Variants in MTFR1 observed in about 807,000 individuals in gnomAD.
The protein encoded by MTFR1 is mitochondrial fission regulator 1.
Under a neutral mutation model 38.8 loss-of-function variants are expected in MTFR1, and 28 were observed. That is an observed-to-expected ratio of 0.72 (90% CI 0.53 to 0.99). The LOEUF (loss-of-function observed/expected upper bound fraction) is 0.99, where lower values mean the gene tolerates loss of function less well. MTFR1 is among the 50% of genes least tolerant of loss of function. The pLI is 0.00. For missense variants in MTFR1, 358 were observed against 395.5 expected (o/e 0.91, Z 0.81); for synonymous variants, 145 against 137.0 (o/e 1.06, Z -0.41).
At chr8:65,754,739 A>G (rs1449866251) in intron 3 of MTFR1, among the ~76,000 whole-genome samples, 2 of 149,954 alleles carry the variant, frequency 1.3e-5, no homozygotes, top group Non-Finnish European at 3.0e-5. Flanking sequence ...GGCTGAGGCG[A>G]GTGGATCACG....
At chr8:65,674,559 C>T (rs1269725511) in intron 2 of MTFR1, among the ~76,000 whole-genome samples, 1 of 152,144 alleles carries the variant, frequency 6.6e-6, no homozygotes, top group Non-Finnish European at 1.5e-5. Flanking sequence ...TTGCAGTCAA[C>T]TGAGATCATG....
At chr8:65,704,957 T>C (rs2129058987) in intron 5 of MTFR1, 28 bp downstream of exon 5, 1 of 1,518,684 alleles carries the variant, frequency 6.6e-7, no homozygotes, top group South Asian at 1.2e-5. Flanking sequence ...TTGTTAGTTT[T>C]AACTTGCAAA....
At chr8:65,729,108 C>T (rs1806727104) in intron 3 of MTFR1, among the ~76,000 whole-genome samples, 1 of 152,060 alleles carries the variant, frequency 6.6e-6, no homozygotes, top group Non-Finnish European at 1.5e-5. Context: ...ATGTTATTTC[C>T]ATTCTGTGAT....
intron 1 of MTFR1, among the ~76,000 whole-genome samples, chr8:65,647,462 C>A (rs1808990706): frequency 6.6e-6 from 1 of 152,138 alleles, no homozygotes; most frequent in Non-Finnish European, 1.5e-5. Flanking sequence ...CAGGCGTAGG[C>A]CACCACGCCC....
chr8:65,723,638 G>C (rs752052726), intron 3 of MTFR1: 2 of 1,492,286 alleles, frequency 1.3e-6, no homozygotes, highest in East Asian at 2.6e-5. Context: ...ATTAAAAAAA[G>C]AGAAGTATTA....
intron 3 of MTFR1, among the ~76,000 whole-genome samples, chr8:65,730,918 A>G (rs891275705): frequency 3.3e-5 from 5 of 152,178 alleles, no homozygotes; most frequent in African/African-American, 1.2e-4. Flanking sequence ...GTGAGACTCC[A>G]TCTGAAAAAC....
At chr8:65,689,114 C>T (rs1488760389) in intron 3 of MTFR1, among the ~76,000 whole-genome samples, 3 of 152,118 alleles carry the variant, frequency 2.0e-5, no homozygotes, top group African/African-American at 4.8e-5. Context: ...CACTGCACTC[C>T]GGCCTGGGCA....
intron 2 of MTFR1, chr8:65,718,201 A>G (rs1423190904): frequency 6.6e-6 from 1 of 152,226 alleles, no homozygotes; most frequent in African/African-American, 2.4e-5. Flanking sequence ...GTCACATTCT[A>G]AAATAATAAA....
At chr8:65,733,643 G>A (rs911080213) in intron 3 of MTFR1, among the ~76,000 whole-genome samples, 2 of 152,078 alleles carry the variant, frequency 1.3e-5, no homozygotes, top group Admixed American at 1.3e-4. Context: ...ACAGTTGGGT[G>A]GTTGGGAGTA....
intron 3 of MTFR1, 131 bp from the exon 4 acceptor site, chr8:65,693,513 C>T: frequency 3.1e-6 from 2 of 651,862 alleles, no homozygotes; most frequent in Non-Finnish European, 2.8e-6. Flanking sequence ...TGGAGACCTT[C>T]AGTGGAAGAG....
At chr8:65,716,464 T>A (rs1806148911) in intron 2 of MTFR1, among the ~76,000 whole-genome samples, 1 of 152,032 alleles carries the variant, frequency 6.6e-6, no homozygotes, top group Non-Finnish European at 1.5e-5. Flanking sequence ...TGGCAGAGAA[T>A]CTCTAGCACC....
At chr8:65,715,976 G>A (rs1161611272) in intron 2 of MTFR1, among the ~76,000 whole-genome samples, 23 of 120,652 alleles carry the variant, frequency 1.9e-4, no homozygotes, top group South Asian at 6.0e-4. Context: ...CAGCCTGGGC[G>A]ACAGAGCAAG....
At chr8:65,741,773 T>A (rs1459133038) in intron 3 of MTFR1, among the ~76,000 whole-genome samples, 1 of 152,256 alleles carries the variant, frequency 6.6e-6, no homozygotes, top group Admixed American at 6.5e-5. Context: ...TCATTCTCTG[T>A]ATATTTAGAT....
chr8:65,667,898 T>C (rs962928537), intron 1 of MTFR1, among the ~76,000 whole-genome samples: 2 of 152,176 alleles, frequency 1.3e-5, no homozygotes, highest in African/African-American at 4.8e-5. Context: ...CATCCTGTTT[T>C]CCCCCACTGC....
In MTFR1 at chr8:65,707,909, T is replaced by G. The variant is rs752803149; in HGVS notation, c.831T>G (p.Ala277=). The change falls in exon 7 of 8, where the codon GCT becomes GCG. Residue 277 remains alanine (A), a synonymous_variant. Coordinates refer to ENST00000262146, the MANE Select transcript of MTFR1 (RefSeq NM_014637.4). ...ACCCTGCTGCCCTCATAGCAGAGGC[T>G]CTGAAAAAGAAATTTGCTTATCGGT... The part of the protein sequence containing the change: ...ATDPAALIAE[A]LKKKFAYRYR... The G allele has an allele frequency of 6.2e-7, 1 of 1,614,128 alleles. No individual in the cohort carries two copies. Among genetic ancestry groups the G allele is most frequent in the South Asian group, 1.1e-5 (1 of 91,080 alleles).
chr8:65,725,523 T>A (rs1806573790), intron 3 of MTFR1: 1 of 154,144 alleles, frequency 6.5e-6, no homozygotes, highest in African/African-American at 2.4e-5. Context: ...GGTAACATGT[T>A]AATATAAACA....
chr8:65,687,593 C>T (rs1198870290), intron 3 of MTFR1, among the ~76,000 whole-genome samples: 4 of 152,104 alleles, frequency 2.6e-5, no homozygotes, highest in African/African-American at 9.7e-5. Context: ...GATCCGCCCG[C>T]CTCGGCCTCC....
chr8:65,737,322 T>G (rs1448486536), intron 3 of MTFR1, among the ~76,000 whole-genome samples: 1 of 151,992 alleles, frequency 6.6e-6, no homozygotes, highest in Non-Finnish European at 1.5e-5. Flanking sequence ...AGCCAAGTAT[T>G]CATATGAACA....
At chr8:65,776,988 T>C in the MTFR1 span, among the ~76,000 whole-genome samples, 16 of 152,254 alleles carry the variant, frequency 1.1e-4, no homozygotes, top group Non-Finnish European at 1.9e-4. Context: ...ATGGGTTTTG[T>C]AGCTAATGTT....
Sources: gnomAD v4.1 joint callset for allele counts (sites outside exome capture counted in the v4.1 genomes callset) on GRCh38, gnomAD v4.1.1 for gene constraint, MANE v1.5 for transcripts, NCBI Gene and HGNC (gene_info 2026-07-23, HGNC 2026-07-21) for gene names.